The following SH2D3A variants were observed in gnomAD, a reference collection of about 807,000 sequenced individuals.
SH2D3A encodes SH2 domain containing 3A.
Under a neutral mutation model 50.6 loss-of-function variants are expected in SH2D3A, and 46 were observed. That is an observed-to-expected ratio of 0.91 (90% CI 0.72 to 1.16). The LOEUF is 1.16. Among genes scored for constraint, SH2D3A ranks in the 50% most tolerant of loss-of-function variants. SH2D3A has a pLI of 0.00. For missense variants in SH2D3A, 783 were observed against 786.2 expected (o/e 1.00, Z 0.05); for synonymous variants, 377 against 348.4 (o/e 1.08, Z -0.91).
chr19:6,763,629 GTGGGAGAGGCTCCCC>G, intron 2 of SH2D3A, 36 bp downstream of exon 2: 2 of 1,561,270 alleles, frequency 1.3e-6, no homozygotes, highest in African/African-American at 2.7e-5. Flanking sequence ...CTCAGCAAGG[GTGGGAGAGGCTCCCC>G]ACCAGATGGT....
chr19:6,764,841 G>A (rs562611247), intron 1 of SH2D3A, among the ~76,000 whole-genome samples: 1 of 150,462 alleles, frequency 6.6e-6, no homozygotes, highest in South Asian at 2.1e-4. Flanking sequence ...GAGTAGCTGG[G>A]ACTATGAGCG....
chr19:6,763,307 G>A (rs1377291059), intron 2 of SH2D3A, among the ~76,000 whole-genome samples: 5 of 151,816 alleles, frequency 3.3e-5, no homozygotes, highest in Admixed American at 6.6e-5. Flanking sequence ...CAAGTGATCC[G>A]CCCACCTCGG....
chr19:6,764,585 G>A (rs1324810108), intron 1 of SH2D3A: 1 of 152,188 alleles, frequency 6.6e-6, no homozygotes, highest in African/African-American at 2.4e-5. Flanking sequence ...GTCCTTGGGA[G>A]CTGACATTCT....
At chr19:6,762,045 A>G (rs1732302246) in intron 2 of SH2D3A, among the ~76,000 whole-genome samples, 1 of 152,054 alleles carries the variant, frequency 6.6e-6, no homozygotes, top group African/African-American at 2.4e-5. Flanking sequence ...AGAGCTGAAC[A>G]TGGGGTCTGG....
intron 4 of SH2D3A, among the ~76,000 whole-genome samples, chr19:6,756,165 AAT>A (rs1442948119): frequency 6.8e-6 from 1 of 148,120 alleles, no homozygotes; most frequent in African/African-American, 2.4e-5. Flanking sequence ...ATAAATATAT[AAT>A]ATATATTTAA....
At position 6,754,165 on chromosome 19, in the gene SH2D3A, T is replaced by C. The variant is rs1969502407; in HGVS notation, c.1273-2A>G. The C allele has an allele frequency of 4.3e-6, 7 of 1,612,580 alleles. No individual in the cohort carries two copies. The highest frequency in any genetic ancestry group is 5.9e-6 in the Non-Finnish European group (7 of 1,179,454). ...CCACGTGTGCTCCAACCGGGACACC[T>C]GGGAGAAGAGATCTGAGCACGCCTC... On this transcript the variant is annotated splice_acceptor_variant, in intron 7 of 9. Transcript: ENST00000245908. LOFTEE classifies it high-confidence loss of function.
At chr19:6,753,901 G>A in intron 8 of SH2D3A, 151 bp downstream of exon 8, 1 of 1,051,470 alleles carries the variant, frequency 9.5e-7, no homozygotes. Flanking sequence ...CCTAGGGAAA[G>A]GGCCAGGACC....
intron 2 of SH2D3A, among the ~76,000 whole-genome samples, chr19:6,762,226 C>G (rs1970064177): frequency 6.6e-6 from 1 of 152,054 alleles, no homozygotes; most frequent in Non-Finnish European, 1.5e-5. Context: ...TCTTGTTGCT[C>G]AGGCTGGAGT....
rs888801065 is a variant in SH2D3A, at chr19:6,753,174, C to T, written c.1570+282G>A. The T allele has an allele frequency of 1.1e-4, 105 of 984,414 alleles. 5 individuals are homozygous for T. Among genetic ancestry groups the T allele is most frequent in the Non-Finnish European group, 7.2e-6 (6 of 829,648 alleles). 61.0% of individuals were successfully genotyped at this position (984,414 alleles called of 1,614,324 possible). Reference sequence around the variant, plus strand: ...CTTGGGGATCGAGATCCCTGGGGGACGGGATCGTCTTAGGTGGGAAGGGGG... The same window carrying T: ...CTTGGGGATCGAGATCCCTGGGGGATGGGATCGTCTTAGGTGGGAAGGGGG... On this transcript the variant is annotated intron_variant, in intron 9 of 9. Transcript: ENST00000245908.
chr19:6,755,142 C>G lies in SH2D3A; in HGVS notation c.670G>C (p.Ala224Pro). 6.2e-7 allele frequency: 1 copy of G among 1,612,192 alleles called. No individual in the cohort carries two copies. The highest frequency in any genetic ancestry group is 8.5e-7 in the Non-Finnish European group (1 of 1,178,648). ...CAGTACGTCGGGGGACGTTCAGAGG[C>G]ATCAGGCAGTTCGAAGGAGGGTGTC... The part of the protein sequence containing the change: ...PRTPSFELPD[A>P]SERPPTYCEL... Residue 224 changes from alanine (A) to proline (P), a missense_variant, in exon 5 of 10, where the codon GCC becomes CCC. Ala to Pro is a conservative substitution (Grantham distance 27). Coordinates refer to ENST00000245908, the MANE Select transcript of SH2D3A (RefSeq NM_005490.3).
chr19:6,763,330 T>C (rs1970129252), intron 2 of SH2D3A, among the ~76,000 whole-genome samples: 1 of 151,884 alleles, frequency 6.6e-6, no homozygotes, highest in Non-Finnish European at 1.5e-5. Context: ...TTTCAAACTG[T>C]TGGGATTACA....
chr19:6,764,867 G>A (rs890836302), intron 1 of SH2D3A, among the ~76,000 whole-genome samples: 1 of 143,446 alleles, frequency 7.0e-6, no homozygotes, highest in Admixed American at 7.0e-5. Flanking sequence ...CACTGTACCT[G>A]GCTAATTTTT....
chr19:6,754,162 A>G lies in SH2D3A; in HGVS notation c.1274T>C (p.Val425Ala). ...GCGCCACGTGTGCTCCAACCGGGAC[A>G]CCTGGGAGAAGAGATCTGAGCACGC... ...AVMGALLMPQ[V>A]SRLEHTWRQL... is the part of the protein sequence containing the mutation. The change falls in exon 8 of 10, where the codon GTG (valine) becomes GCG (alanine). Residue 425 changes from valine to alanine, a missense_variant and splice_region_variant. Val to Ala is a moderately conservative substitution (Grantham distance 64, BLOSUM62 0). Transcript: ENST00000245908. The G allele has an allele frequency of 6.2e-7, 1 of 1,612,640 alleles. No individual in the cohort carries two copies. Among genetic ancestry groups the G allele is most frequent in the African/African-American group, 1.3e-5 (1 of 75,036 alleles).
rs1168778786 is a variant in SH2D3A, at chr19:6,763,905, C to CTTT, written c.-68-92_-68-90dup. ...AATTTTGGAGACAGCTCCATCAAAT[C>CTTT]TTTTTTTTTTTTTTTTTTTTTTTTT... On this transcript the variant is annotated intron_variant, in intron 1 of 9. Coordinates refer to ENST00000245908, the MANE Select transcript of SH2D3A (RefSeq NM_005490.3). The CTTT allele has an allele frequency of 3.6e-3, 392 of 108,684 alleles. 3 individuals carry two copies. The highest frequency in any genetic ancestry group is 4.1e-3 in the African/African-American group (85 of 20,968). The allele number at this position is 108,684 out of a possible 1,614,324, so 6.7% of individuals were successfully genotyped here.
In SH2D3A at chr19:6,760,682, G is replaced by A. The variant is rs1414726897; in HGVS notation, c.375C>T (p.Ser125=). Reference sequence around the variant, plus strand: ...CTGGGCCATCCATCAGGGTGTCCTCGCTAAAGCTGCGTCGCAGAGGCCCCT... The same window carrying A: ...CTGGGCCATCCATCAGGGTGTCCTCACTAAAGCTGCGTCGCAGAGGCCCCT... ...TWQGPLRRSF[S]EDTLMDGPAR... is the part of the protein sequence containing the mutation. Residue 125 remains serine, a synonymous_variant, in exon 3 of 10, where the codon AGC becomes AGT. Transcript: ENST00000245908. The A allele has an allele frequency of 3.1e-6, 5 of 1,610,074 alleles. No homozygotes were observed. Among genetic ancestry groups the A allele is most frequent in the South Asian group, 1.1e-5 (1 of 90,662 alleles).
In SH2D3A at chr19:6,759,623, C is replaced by T. The variant is rs1376248631; in HGVS notation, c.467G>A (p.Gly156Glu). 4.3e-6 allele frequency: 7 copies of T among 1,614,006 alleles called. No individual in the cohort carries two copies. The highest frequency in any genetic ancestry group is 5.9e-6 in the Non-Finnish European group (7 of 1,179,932). ...NSQPADLAHM[G>E]RSREDPAGME... is the part of the protein sequence containing the mutation. The stretch of plus-strand genomic sequence containing the variant: ...CCCAGCGGGGTCTTCTCTTGACCGC[C>T]CCATATGTGCCAAATCTGCAGGCTG... The change falls in exon 4 of 10, where the codon GGG (glycine) becomes GAG (glutamate). Residue 156 changes from glycine (G) to glutamate (E), a missense_variant. By Grantham distance (98) the Gly-to-Glu change is moderately conservative (BLOSUM62 -2). Transcript: ENST00000245908.
intron 9 of SH2D3A, chr19:6,753,023 G>C: frequency 1.0e-6 from 1 of 985,376 alleles, no homozygotes; most frequent in Non-Finnish European, 1.2e-6. Context: ...CGCCTTAGGG[G>C]CTGTGCCTGG....
chr19:6,753,963 G>T (rs1568261568), intron 8 of SH2D3A, 89 bp downstream of exon 8: 4 of 1,424,878 alleles, frequency 2.8e-6, no homozygotes, highest in Non-Finnish European at 2.8e-6. Flanking sequence ...GCCTAGAACA[G>T]ATGCAGGGAC....
chr19:6,758,523 G>C (rs565143769), intron 4 of SH2D3A: 1 of 152,104 alleles, frequency 6.6e-6, no homozygotes, highest in African/African-American at 2.4e-5. Context: ...GGCTGGTCTC[G>C]AACTCCTGAC....
Sources: gnomAD v4.1 joint callset for allele counts (sites outside exome capture counted in the v4.1 genomes callset) on GRCh38, gnomAD v4.1.1 for gene constraint, MANE v1.5 for transcripts, NCBI Gene and HGNC (gene_info 2026-07-23, HGNC 2026-07-21) for gene names.